Variants in PRPF8 observed in about 807,000 individuals in gnomAD.
PRPF8 encodes pre-mRNA processing factor 8.
PRPF8 carries 64 observed loss-of-function variants against 285.9 expected under a neutral mutation model. That is an observed-to-expected ratio of 0.22 (90% confidence interval 0.18 to 0.28). PRPF8 has a LOEUF of 0.28. PRPF8 is among the 10% of genes least tolerant of loss of function. PRPF8 has a pLI of 1.00. For missense variants in PRPF8, 1,426 were observed against 3,026.7 expected, an observed-to-expected ratio of 0.47 and a Z score of 12.41; for synonymous variants, 1,325 against 1,118.2, an observed-to-expected ratio of 1.18 and a Z score of -3.69.
In PRPF8 at chr17:1,650,910, G is replaced by T. The variant is rs141762321; in HGVS notation, c.6900C>A (p.Asn2300Lys). The T allele has an allele frequency of 6.2e-7, 1 of 1,614,176 alleles. No individual in the cohort carries two copies. The highest frequency in any genetic ancestry group is 8.5e-7 in the Non-Finnish European group (1 of 1,180,032). The change falls in exon 43 of 43, where the codon AAC becomes AAA. Residue 2300 changes from asparagine (N) to lysine (K), a missense_variant. Asn to Lys is a moderately conservative substitution (Grantham distance 94). Transcript: ENST00000304992. ...GCACCTCGTGGTAGAACTCTTTGGG[G>T]TTCGCCAGCTGTAGCTCATATTTCA... Reference protein sequence around the residue: ...PNMKYELQLANPKEFYHEVHR... With the variant: ...PNMKYELQLAKPKEFYHEVHR...
rs1257069594 is a variant in PRPF8 at position 1,661,541 on chromosome 17, T to C, written c.4202+70A>G. ...ATACAACCATGGCATGCTCTGACCC[T>C]GAACTCCACACGGTTCAAAGGCCAC... On this transcript the variant is annotated intron_variant, in intron 26 of 42. Transcript: ENST00000304992. The surrounding 1 kb of genome is among the most constrained non-coding windows in gnomAD (Gnocchi z 7.3). The C allele has an allele frequency of 3.1e-6, 5 of 1,610,116 alleles. No individual in the cohort carries two copies. The African/African-American group carries it at 4.0e-5, about 13-fold the overall frequency.
rs377213506 is a variant in PRPF8, at chr17:1,656,641, C to G, written c.5619+7G>C. ...CTCTTTTCTCCTACCCCACCCCACC[C>G]TCTTACCTCCAGTGGGTCCAGCATG... On this transcript the variant is annotated splice_region_variant and intron_variant, in intron 35 of 42. Coordinates refer to ENST00000304992, the MANE Select transcript of PRPF8 (RefSeq NM_006445.4). 1 of 1,614,102 alleles carries G rather than the reference C, an allele frequency of 6.2e-7. No homozygotes were observed. The highest frequency in any genetic ancestry group is 8.5e-7 in the Non-Finnish European group (1 of 1,179,982).
chr17:1,683,454 G>A, intron 3 of PRPF8, 79 bp downstream of exon 3: 2 of 1,482,832 alleles, frequency 1.3e-6, no homozygotes, highest in Non-Finnish European at 1.9e-6. Context: ...AGCTGTCAAA[G>A]CATCAATCCA....
In PRPF8 at chr17:1,681,848, C is replaced by G; in HGVS notation, c.625G>C (p.Asp209His). 6.2e-7 allele frequency: 1 copy of G among 1,614,056 alleles called. No individual in the cohort carries two copies. Among genetic ancestry groups the G allele is most frequent in the Non-Finnish European group, 8.5e-7 (1 of 1,180,030 alleles). The change falls in exon 5 of 43, where the codon GAC becomes CAC. Residue 209 changes from aspartate (D) to histidine (H), a missense_variant. Coordinates refer to ENST00000304992, the MANE Select transcript of PRPF8 (RefSeq NM_006445.4). Reference protein sequence around the residue: ...EDAPVLDWFYDHQPLRDSRKY... With the variant: ...EDAPVLDWFYHHQPLRDSRKY... Reference sequence around the variant, plus strand: ...CTGCTGTCCCTCAACGGCTGGTGGTCATAGAACCAGTCCAACACAGGGGCG... The same window carrying G: ...CTGCTGTCCCTCAACGGCTGGTGGTGATAGAACCAGTCCAACACAGGGGCG...
chr17:1,678,390 G>A (rs1010789096), intron 13 of PRPF8, 128 bp downstream of exon 13: 50 of 1,217,396 alleles, frequency 4.1e-5, no homozygotes, highest in Non-Finnish European at 5.8e-5. Flanking sequence ...GGCTGAGGCA[G>A]GAGAATTGCT....
chr17:1,681,380 TA>T, intron 6 of PRPF8, 97 bp downstream of exon 6: 1 of 1,335,332 alleles, frequency 7.5e-7, no homozygotes, highest in Non-Finnish European at 1.1e-6. Flanking sequence ...GCACCTGGTG[TA>T]AACAGACTAA....
chr17:1,668,642 A>G (rs1912135551), intron 24 of PRPF8, among the ~76,000 whole-genome samples: 1 of 152,094 alleles, frequency 6.6e-6, no homozygotes, highest in South Asian at 2.1e-4. Flanking sequence ...GATTACAGGT[A>G]TGAGCCACCG....
In PRPF8 at chr17:1,659,462, C is replaced by T; in HGVS notation, c.5033G>A (p.Arg1678His). ...GTCCAGGAACTTGGCCCGGGCGTAG[C>T]GCTCAATGTCGTGGGAATCATAGTC... is the stretch of plus-strand genomic sequence containing the variant. ...WGDYDSHDIE[R>H]YARAKFLDYT... is the part of the protein sequence containing the mutation. The change falls in exon 32 of 43, where the codon CGC becomes CAC. Residue 1678 changes from arginine (R) to histidine (H), a missense_variant. Transcript: ENST00000304992. This position sits in a 1 kb window ranked among gnomAD's most constrained non-coding sequence, Gnocchi z 5.1. 6.2e-7 allele frequency: 1 copy of T among 1,614,008 alleles called. No individual in the cohort carries two copies. Among genetic ancestry groups the T allele is most frequent in the Non-Finnish European group, 8.5e-7 (1 of 1,180,006 alleles).
At position 1,675,988 on chromosome 17, in the gene PRPF8, G is replaced by A. The variant is rs760867601; in HGVS notation, c.2619C>T (p.Asn873=). 4.9e-5 allele frequency: 79 copies of A among 1,613,844 alleles called. 1 individual carries two copies. In the Admixed American group the frequency reaches 1.3e-3, roughly 26 times the overall value. ...ELGLIEQAYD[N]PHEALSRIKR... is the part of the protein sequence containing the mutation. ...TGATGCGGGACAGCGCCTCGTGGGG[G>A]TTATCGTAGGCCTGCTCGATCAGAC... The change falls in exon 18 of 43, where the codon AAC becomes AAT. Residue 873 remains asparagine, a synonymous_variant. Coordinates refer to ENST00000304992, the MANE Select transcript of PRPF8 (RefSeq NM_006445.4). This position sits in a 1 kb window ranked among gnomAD's most constrained non-coding sequence, Gnocchi z 6.0.
Position 1,673,475 on chromosome 17 carries a change from T to C in PRPF8, c.3539A>G (p.Lys1180Arg), listed in dbSNP as rs1313164170. 1 of 1,614,146 alleles carries C rather than the reference T, an allele frequency of 6.2e-7. No homozygotes were observed. The highest frequency in any genetic ancestry group is 8.5e-7 in the Non-Finnish European group (1 of 1,180,018). The change falls in exon 23 of 43, where the codon AAG becomes AGG. Residue 1180 changes from lysine to arginine, a missense_variant. By Grantham distance (26) the Lys-to-Arg change is conservative (BLOSUM62 2). Transcript: ENST00000304992. This position sits in a 1 kb window ranked among gnomAD's most constrained non-coding sequence, Gnocchi z 5.5. ...WENSFVSVYS[K>R]DNPNLLFNMC... ...GTTGAACAGCAGGTTGGGGTTGTCC[T>C]TACTGTACACAGACACGAAGCTGTT...
In PRPF8 at chr17:1,663,710, CAAAAAAAAAAAAA is replaced by C. The variant is rs58454297; in HGVS notation, c.3775-1570_3775-1558del. 2.3e-4 allele frequency among the ~76,000 whole-genome samples: 4 copies of C among 17,094 alleles called. 1 individual carries two copies. The highest frequency in any genetic ancestry group is 1.8e-3 in the Admixed American group (2 of 1,098). The allele number at this position is 17,094 out of a possible 152,430, so 11.2% of individuals were successfully genotyped here. A position where few individuals can be genotyped will look rare whatever the true frequency, so the allele number is the denominator to read the frequency against. On this transcript the variant is annotated intron_variant, in intron 24 of 42. Coordinates refer to ENST00000304992, the MANE Select transcript of PRPF8 (RefSeq NM_006445.4). The stretch of plus-strand genomic sequence containing the variant: ...GGCAACCAAGGAAGAGACTCCATCT[CAAAAAAAAAAAAA>C]AAAAAAAAAAAAAAAAGAGCCAACT...
intron 24 of PRPF8, among the ~76,000 whole-genome samples, chr17:1,671,850 C>CAA (rs1225346730): frequency 0.014 from 709 of 49,404 alleles, 9 homozygotes; most frequent in African/African-American, 0.045. Flanking sequence ...GACTCCATCT[C>CAA]AAAAAAAAAA....
Position 1,673,234 on chromosome 17 carries a change from C to A in PRPF8, c.3658-37G>T, listed in dbSNP as rs753772953. ...AGTCAAGGTTAACATGTCCGAGGAA[C>A]TCCCACAGAAGCAAGAGCCAACTGT... On this transcript the variant is annotated intron_variant, in intron 23 of 42. Transcript: ENST00000304992. This position sits in a 1 kb window ranked among gnomAD's most constrained non-coding sequence, Gnocchi z 5.5. 1.2e-6 allele frequency: 2 copies of A among 1,610,046 alleles called. No homozygotes were observed. Among genetic ancestry groups the A allele is most frequent in the Admixed American group, 3.3e-5 (2 of 59,976 alleles).
Position 1,676,902 on chromosome 17 carries a change from T to A in PRPF8, c.2181+74A>T. The stretch of plus-strand genomic sequence containing the variant: ...AAGAGATTGGAGCCAGATAGCCCCC[T>A]AATGATTCCCGAAGTGGTAATCCTA... On this transcript the variant is annotated intron_variant, in intron 15 of 42. Coordinates refer to ENST00000304992, the MANE Select transcript of PRPF8 (RefSeq NM_006445.4). The surrounding 1 kb of genome is among the most constrained non-coding windows in gnomAD (Gnocchi z 6.3). The A allele has an allele frequency of 6.4e-7, 1 of 1,566,576 alleles. No homozygotes were observed.
In PRPF8 at chr17:1,655,082, C is replaced by T. The variant is rs1226164082; in HGVS notation, c.5987+268G>A. ...AAGCAATTCTCCTGCCTCAGCCTCC[C>T]GAGTAGCTGGGATTACAGGTAGGCG... is the stretch of plus-strand genomic sequence containing the variant. On this transcript the variant is annotated intron_variant, in intron 37 of 42. Coordinates refer to ENST00000304992, the MANE Select transcript of PRPF8 (RefSeq NM_006445.4). 2.9e-5 allele frequency: 13 copies of T among 445,114 alleles called. No homozygotes were observed. In the East Asian group the frequency reaches 4.7e-4, roughly 16 times the overall value. 27.6% of individuals were successfully genotyped at this position (445,114 alleles called of 1,614,324 possible). A position where few individuals can be genotyped will look rare whatever the true frequency, so the allele number is the denominator to read the frequency against.
rs1279876701 is a variant in PRPF8 at position 1,676,252 on chromosome 17, G to C, written c.2507C>G (p.Thr836Ser). ...CTCCAATGCCAAGATGAGCAACTTG[G>C]TGTCATGCTTATAGGAGAGTGGGGG... Reference protein sequence around the residue: ...PFPPLSYKHDTKLLILALERL... With the variant: ...PFPPLSYKHDSKLLILALERL... Residue 836 changes from threonine (T) to serine (S), a missense_variant, in exon 17 of 43, where the codon ACC (threonine) becomes AGC (serine). Transcript: ENST00000304992. This position sits in a 1 kb window ranked among gnomAD's most constrained non-coding sequence, Gnocchi z 6.3. 1 of 1,614,046 alleles carries C rather than the reference G, an allele frequency of 6.2e-7. No homozygotes were observed. The highest frequency in any genetic ancestry group is 2.2e-5 in the East Asian group (1 of 44,890).
chr17:1,671,560 T>G (rs1444460489), intron 24 of PRPF8, among the ~76,000 whole-genome samples: 1 of 151,838 alleles, frequency 6.6e-6, no homozygotes, highest in East Asian at 1.9e-4. Context: ...TACAAAAAAT[T>G]TAAAAATCAG....
At position 1,683,647 on chromosome 17, in the gene PRPF8, C is replaced by A. The variant is rs372870121; in HGVS notation, c.155G>T (p.Gly52Val). Residue 52 changes from glycine to valine, a missense_variant, in exon 3 of 43, where the codon GGG becomes GTG. This residue lies in a region of PRPF8 where 72 missense variants were observed against 80.0 expected (regional missense o/e 0.90). Coordinates refer to ENST00000304992, the MANE Select transcript of PRPF8 (RefSeq NM_006445.4). ...GTCTTCCTTCTGGGCATCCACAAAC[C>A]CAAACTTCCGCTTTTCTGCATAGCG... ...AKRYAEKRKF[G>V]FVDAQKEDMP... 3.1e-6 allele frequency: 5 copies of A among 1,614,120 alleles called. No individual in the cohort carries two copies. Among genetic ancestry groups the A allele is most frequent in the Non-Finnish European group, 4.2e-6 (5 of 1,180,026 alleles).
intron 29 of PRPF8, 58 bp from the exon 30 acceptor site, chr17:1,660,636 T>C: frequency 6.2e-7 from 1 of 1,614,134 alleles, no homozygotes; most frequent in Non-Finnish European, 8.5e-7. Context: ...GCTCACGACA[T>C]AACCAAGGCA....
Sources: gnomAD v4.1 joint callset for allele counts (sites outside exome capture counted in the v4.1 genomes callset) on GRCh38, gnomAD v4.1.1 for gene constraint, gnomAD v4.1.1 regional missense constraint, Gnocchi (gnomAD v3.1) non-coding constraint, MANE v1.5 for transcripts, NCBI Gene and HGNC (gene_info 2026-07-23, HGNC 2026-07-21) for gene names.